SLC6A11: variants seen among roughly 807,000 people sequenced by gnomAD.
SLC6A11 encodes the protein sodium- and chloride-dependent GABA transporter 3.
Under a neutral mutation model 74.8 loss-of-function variants are expected in SLC6A11, and 25 were observed. The ratio of observed to expected loss-of-function variants is 0.33; its 90% confidence interval spans 0.24 to 0.47. The LOEUF (loss-of-function observed/expected upper bound fraction) is 0.47. Ranked by LOEUF, SLC6A11 falls within the 20% of genes least tolerant of loss-of-function variation. The probability of loss-of-function intolerance (pLI) is 1.00; values close to 1 mark genes in which losing one functional copy is unlikely to be tolerated. For synonymous variants in SLC6A11, 330 were observed against 330.2 expected (o/e 1.00, Z 0.01); for missense variants, 574 against 837.0 (o/e 0.69, Z 3.88).
intron 7 of SLC6A11, among the ~76,000 whole-genome samples, chr3:10,917,054 C>A (rs1695465999): frequency 6.6e-6 from 1 of 152,048 alleles, no homozygotes; most frequent in African/African-American, 2.4e-5. Context: ...CTGGATGTGA[C>A]AATTGAGGAG....
chr3:10,933,360 A>C, intron 11 of SLC6A11, 107 bp downstream of exon 11: 2 of 760,412 alleles, frequency 2.6e-6, no homozygotes, highest in Non-Finnish European at 4.6e-6. Flanking sequence ...ATCTTGGTCT[A>C]TACTGGCCTC....
At chr3:10,817,646 T>A (rs898271464) in intron 1 of SLC6A11, among the ~76,000 whole-genome samples, 3 of 152,188 alleles carry the variant, frequency 2.0e-5, no homozygotes, top group Non-Finnish European at 2.9e-5. Context: ...GGGACCGGGC[T>A]ATGAGTCTGT....
intron 4 of SLC6A11, among the ~76,000 whole-genome samples, chr3:10,831,804 A>T (rs1226926457): frequency 6.6e-6 from 1 of 152,260 alleles, no homozygotes; most frequent in African/African-American, 2.4e-5. Flanking sequence ...AGTAGTCTGT[A>T]GGCAGACATT....
intron 6 of SLC6A11, among the ~76,000 whole-genome samples, chr3:10,882,732 G>A (rs9815640): frequency 0.16 from 24,367 of 152,186 alleles, 2,520 homozygotes; most frequent in Admixed American, 0.35. Context: ...TATTCTTGGT[G>A]TAGTGGGATC....
At chr3:10,936,713 A>T (rs992050210) in intron 13 of SLC6A11, among the ~76,000 whole-genome samples, 3 of 152,220 alleles carry the variant, frequency 2.0e-5, no homozygotes, top group African/African-American at 7.2e-5. Flanking sequence ...ACATGTCCAG[A>T]GGGAAGCTGA....
At chr3:10,856,751 A>T (rs1694643009) in intron 5 of SLC6A11, among the ~76,000 whole-genome samples, 1 of 152,122 alleles carries the variant, frequency 6.6e-6, no homozygotes, top group African/African-American at 2.4e-5. Flanking sequence ...TTGAAAATGG[A>T]TGGGTGGAAG....
chr3:10,927,456 C>T (rs138954217), intron 9 of SLC6A11, among the ~76,000 whole-genome samples: 67 of 152,232 alleles, frequency 4.4e-4, no homozygotes, highest in African/African-American at 1.4e-3. Flanking sequence ...AATAACCACA[C>T]GGGCTGGGGG....
intron 5 of SLC6A11, among the ~76,000 whole-genome samples, chr3:10,868,930 C>T (rs1694796336): frequency 6.6e-6 from 1 of 152,194 alleles, no homozygotes; most frequent in African/African-American, 2.4e-5. Context: ...AAATATGCCT[C>T]TGAAAATCTG....
At chr3:10,929,377 G>A (rs1695653175) in intron 10 of SLC6A11, 38 bp downstream of exon 10, 2 of 1,606,082 alleles carry the variant, frequency 1.2e-6, no homozygotes, top group African/African-American at 2.7e-5. Context: ...GGTGAAGTGG[G>A]TGTGTGACGT....
intron 4 of SLC6A11, among the ~76,000 whole-genome samples, chr3:10,835,013 C>T (rs192076880): frequency 9.2e-5 from 14 of 152,282 alleles, no homozygotes; most frequent in Non-Finnish European, 1.9e-4. Flanking sequence ...GGGACCAGAC[C>T]CCGACTCCCC....
intron 5 of SLC6A11, among the ~76,000 whole-genome samples, chr3:10,871,723 T>C (rs1250160537): frequency 6.6e-6 from 1 of 152,204 alleles, no homozygotes; most frequent in Non-Finnish European, 1.5e-5. Flanking sequence ...ATATTAATAT[T>C]GATTTCTGCT....
At chr3:10,821,136 A>G (rs1694133639) in intron 3 of SLC6A11, among the ~76,000 whole-genome samples, 1 of 152,202 alleles carries the variant, frequency 6.6e-6, no homozygotes, top group Non-Finnish European at 1.5e-5. Context: ...GGGAACTCAT[A>G]GAAATGTTTA....
At chr3:10,903,340 C>T (rs1695263361) in intron 6 of SLC6A11, among the ~76,000 whole-genome samples, 1 of 152,206 alleles carries the variant, frequency 6.6e-6, no homozygotes, top group Non-Finnish European at 1.5e-5. Context: ...AATCCCAGAG[C>T]AGCATCTGTA....
chr3:10,934,397 T>C (rs1695731705), intron 12 of SLC6A11, among the ~76,000 whole-genome samples: 1 of 152,142 alleles, frequency 6.6e-6, no homozygotes, highest in South Asian at 2.1e-4. Flanking sequence ...GCACAGCGCC[T>C]CCCTTCTCAG....
chr3:10,886,618 C>A (rs1287748140), intron 6 of SLC6A11, among the ~76,000 whole-genome samples: 2 of 152,116 alleles, frequency 1.3e-5, no homozygotes, highest in East Asian at 3.8e-4. Context: ...ACCAGCCTGA[C>A]CAATATGATG....
intron 13 of SLC6A11, among the ~76,000 whole-genome samples, chr3:10,935,667 A>G (rs1053415651): frequency 6.6e-6 from 1 of 152,348 alleles, no homozygotes; most frequent in Middle Eastern, 3.4e-3. Context: ...TAGCAGGCAG[A>G]GGAAACAGGT....
intron 4 of SLC6A11, among the ~76,000 whole-genome samples, chr3:10,833,531 C>T (rs942312777): frequency 1.3e-5 from 2 of 152,152 alleles, no homozygotes; most frequent in South Asian, 2.1e-4. Context: ...GCCCTTCAGC[C>T]GAGGATCAAG....
At chr3:10,934,969 C>G (rs988916399) in intron 12 of SLC6A11, 60 bp from the exon 13 acceptor site, 6 of 1,490,150 alleles carry the variant, frequency 4.0e-6, no homozygotes, top group Non-Finnish European at 5.5e-6. Flanking sequence ...CCTCAGACCC[C>G]TCATGGCCTA....
rs139374150 is a variant in SLC6A11, at chr3:10,913,763, G to A, written c.995+1570G>A. On this transcript the variant is annotated intron_variant, in intron 7 of 13. Coordinates refer to ENST00000254488, the MANE Select transcript of SLC6A11 (RefSeq NM_014229.3). ...GGCTGGACTGCAGTGGCACGATCTC[G>A]GCTCACTACAAGCTCTGCCTCCCAG... 2.9e-3 allele frequency among the ~76,000 whole-genome samples: 444 copies of A among 152,166 alleles called. 2 individuals are homozygous for A. Among genetic ancestry groups the A allele is most frequent in the Non-Finnish European group, 4.4e-3 (300 of 67,996 alleles).
Sources: gnomAD v4.1 joint callset for allele counts (sites outside exome capture counted in the v4.1 genomes callset) on GRCh38, gnomAD v4.1.1 for gene constraint, MANE v1.5 for transcripts, NCBI Gene and HGNC (gene_info 2026-07-23, HGNC 2026-07-21) for gene names.